The following CFAP299 variants were observed in gnomAD, a reference collection of about 807,000 sequenced individuals.
The protein encoded by CFAP299 is cilia and flagella associated protein 299.
A neutral mutation model predicts 27.0 loss-of-function variants in CFAP299; 21 were observed. That is an observed-to-expected ratio of 0.78 (90% CI 0.55 to 1.12). The LOEUF is 1.12. Ranked by LOEUF, CFAP299 falls within the 50% of genes most tolerant of loss-of-function variation. The probability of loss-of-function intolerance (pLI) is 0.00; values close to 1 mark genes in which losing one functional copy is unlikely to be tolerated. For missense variants in CFAP299, 310 were observed against 276.6 expected (o/e 1.12, Z -0.86); for synonymous variants, 104 against 98.1 (o/e 1.06, Z -0.36).
chr4:80,893,254 TC>T (rs1734436029), intron 4 of CFAP299, among the ~76,000 whole-genome samples: 1 of 151,508 alleles, frequency 6.6e-6, no homozygotes, highest in Non-Finnish European at 1.5e-5. Flanking sequence ...GATGAAGGCA[TC>T]CCATGTTTAT....
intron 4 of CFAP299, among the ~76,000 whole-genome samples, chr4:80,918,261 A>G (rs1735859372): frequency 6.6e-6 from 1 of 152,148 alleles, no homozygotes; most frequent in Admixed American, 6.6e-5. Flanking sequence ...TTTTGTTACT[A>G]CATGCCTTGA....
chr4:80,354,518 A>G (rs576010262), intron 1 of CFAP299, among the ~76,000 whole-genome samples: 1 of 152,194 alleles, frequency 6.6e-6, no homozygotes, highest in East Asian at 1.9e-4. Flanking sequence ...CATATATATG[A>G]CTTTTTTTTC....
In CFAP299 at chr4:80,574,507, T is replaced by A. The variant is rs368828543; in HGVS notation, c.243-8586T>A. Among the ~76,000 whole-genome samples the A allele has an allele frequency of 1.3e-5, 2 of 152,130 alleles. 1 individual carries two copies. Among genetic ancestry groups the A allele is most frequent in the East Asian group, 3.8e-4 (2 of 5,198 alleles). ...ACTTCCAGTACTATGTGGAGTACAG[T>A]GGAGAAAGTGGGCATCCTTGTCTTA... On this transcript the variant is annotated intron_variant, in intron 2 of 5. Coordinates refer to ENST00000358105, the MANE Select transcript of CFAP299 (RefSeq NM_152770.3).
chr4:80,551,610 A>AT (rs1399305261), intron 2 of CFAP299, among the ~76,000 whole-genome samples: 2 of 151,994 alleles, frequency 1.3e-5, no homozygotes. Flanking sequence ...TCTAGAAAAC[A>AT]TTTTTTTCCT....
At chr4:80,865,141 T>C (rs1732648730) in intron 3 of CFAP299, among the ~76,000 whole-genome samples, 1 of 152,152 alleles carries the variant, frequency 6.6e-6, no homozygotes, top group Non-Finnish European at 1.5e-5. Flanking sequence ...ATGAGGGTAA[T>C]AATGCTATCT....
chr4:80,476,257 C>T (rs1216380255), intron 2 of CFAP299, among the ~76,000 whole-genome samples: 1 of 152,046 alleles, frequency 6.6e-6, no homozygotes, highest in Non-Finnish European at 1.5e-5. Flanking sequence ...GTATTTGGGG[C>T]CTACAAATTA....
At chr4:80,423,177 T>C (rs1334666291) in intron 2 of CFAP299, among the ~76,000 whole-genome samples, 3 of 152,360 alleles carry the variant, frequency 2.0e-5, no homozygotes, top group African/African-American at 7.2e-5. Flanking sequence ...TTATGTGGTC[T>C]GTATGACTGC....
chr4:80,422,100 G>T (rs1275924142), intron 2 of CFAP299, among the ~76,000 whole-genome samples: 1 of 152,046 alleles, frequency 6.6e-6, no homozygotes, highest in Non-Finnish European at 1.5e-5. Context: ...AGTGTGATTT[G>T]TTCCTTAAGT....
chr4:80,620,633 C>T (rs1738541190), intron 3 of CFAP299, among the ~76,000 whole-genome samples: 1 of 152,098 alleles, frequency 6.6e-6, no homozygotes, highest in Admixed American at 6.6e-5. Context: ...TTCTTTTCAT[C>T]ATTCTCATCC....
chr4:80,905,006 T>C (rs1460139403), intron 4 of CFAP299, among the ~76,000 whole-genome samples: 1 of 152,226 alleles, frequency 6.6e-6, no homozygotes, highest in East Asian at 1.9e-4. Flanking sequence ...TCCAGCCTTA[T>C]GATACTTAAA....
At chr4:80,871,097 G>A (rs1434923051) in intron 4 of CFAP299, 1 of 522,516 alleles carries the variant, frequency 1.9e-6, no homozygotes, top group Non-Finnish European at 2.5e-6. Flanking sequence ...AGTAGAGACA[G>A]GGTTCCACCA....
intron 3 of CFAP299, among the ~76,000 whole-genome samples, chr4:80,677,542 A>C (rs1719544178): frequency 6.6e-6 from 1 of 152,014 alleles, no homozygotes; most frequent in Admixed American, 6.6e-5. Context: ...AAGATGAAAG[A>C]AAAAAATATA....
intron 2 of CFAP299, among the ~76,000 whole-genome samples, chr4:80,490,535 C>G (rs370485371): frequency 1.6e-4 from 24 of 152,108 alleles, no homozygotes; most frequent in Admixed American, 2.6e-4. Flanking sequence ...CAGAAGAGGT[C>G]CCACATTATA....
At chr4:80,765,347 G>A (rs1238415118) in intron 3 of CFAP299, among the ~76,000 whole-genome samples, 2 of 152,010 alleles carry the variant, frequency 1.3e-5, no homozygotes, top group African/African-American at 2.4e-5. Context: ...AACTTTGCTG[G>A]CATAAAAGTT....
the CFAP299 span, among the ~76,000 whole-genome samples, chr4:80,329,208 C>CACACATATAT: frequency 9.6e-5 from 13 of 136,046 alleles, no homozygotes; most frequent in South Asian, 2.4e-4. Context: ...ACACTGTATA[C>CACACATATAT]ATATATATAT....
chr4:80,720,893 A>T lies in CFAP299; in HGVS notation c.333+137710A>T, dbSNP rs546246188. On this transcript the variant is annotated intron_variant, in intron 3 of 5. Coordinates refer to ENST00000358105, the MANE Select transcript of CFAP299 (RefSeq NM_152770.3). Reference sequence around the variant, plus strand: ...TTCAAAAAATTAGATGAAAGTCTAAATGTGGCAAGTAAAGAATTGGAAGAT... The same window carrying T: ...TTCAAAAAATTAGATGAAAGTCTAATTGTGGCAAGTAAAGAATTGGAAGAT... 2.0e-5 allele frequency among the ~76,000 whole-genome samples: 3 copies of T among 152,276 alleles called. No individual in the cohort carries two copies. The East Asian group carries it at 5.8e-4, about 29-fold the overall frequency.
At chr4:80,799,335 ATTT>A (rs1475175075) in intron 3 of CFAP299, among the ~76,000 whole-genome samples, 1 of 96,772 alleles carries the variant, frequency 1.0e-5, no homozygotes, top group African/African-American at 4.5e-5. Flanking sequence ...TTTATATAAT[ATTT>A]ATATATATAA....
intron 3 of CFAP299, among the ~76,000 whole-genome samples, chr4:80,637,333 A>G (rs1263987034): frequency 6.6e-6 from 1 of 152,190 alleles, no homozygotes; most frequent in Non-Finnish European, 1.5e-5. Context: ...GAGAAGTGAT[A>G]GACATGCAAT....
At chr4:80,746,813 T>C (rs571390048) in intron 3 of CFAP299, among the ~76,000 whole-genome samples, 38 of 152,152 alleles carry the variant, frequency 2.5e-4, no homozygotes, top group Non-Finnish European at 5.3e-4. Flanking sequence ...TTATAATGTG[T>C]TTTTCAGTTA....
Sources: allele counts gnomAD v4.1 joint callset (sites outside exome capture counted in the v4.1 genomes callset), GRCh38; gene constraint gnomAD v4.1.1; transcripts MANE v1.5; gene names NCBI Gene and HGNC (gene_info 2026-07-23, HGNC 2026-07-21).